Variants in ASIC1 observed in about 807,000 individuals in gnomAD.
The protein encoded by ASIC1 is acid-sensing ion channel 1.
In ASIC1, 21 loss-of-function variants were observed where a neutral mutation model predicts 63.4. The observed-to-expected ratio is 0.33, with a 90% confidence interval of 0.23 to 0.48. The LOEUF is 0.48. Ranked by LOEUF, ASIC1 falls within the 20% of genes least tolerant of loss-of-function variation. The pLI is 0.99. For missense variants in ASIC1, 478 were observed against 695.5 expected, an observed-to-expected ratio of 0.69 and a Z score of 3.52; for synonymous variants, 258 against 278.2, an observed-to-expected ratio of 0.93 and a Z score of 0.72.
intron 3 of ASIC1, chr12:50,073,952 TAAACG>T: frequency 1.3e-6 from 2 of 1,535,886 alleles, no homozygotes; most frequent in South Asian, 2.4e-5. Flanking sequence ...GTGACCCTTC[TAAACG>T]AAGTGGCCAC....
chr12:50,069,714 T>C (rs1057442541), intron 3 of ASIC1, among the ~76,000 whole-genome samples: 1 of 152,010 alleles, frequency 6.6e-6, no homozygotes, highest in African/African-American at 2.4e-5. Flanking sequence ...TTTTTTTTCA[T>C]AGCACTTATG....
chr12:50,064,302 C>A (rs1950526819), intron 3 of ASIC1, among the ~76,000 whole-genome samples: 1 of 152,060 alleles, frequency 6.6e-6, no homozygotes, highest in Non-Finnish European at 1.5e-5. Flanking sequence ...GGAGCAGAGC[C>A]CATTGCAGTT....
intron 11 of ASIC1, 75 bp downstream of exon 11, chr12:50,081,439 C>A: frequency 1.4e-6 from 2 of 1,440,860 alleles, no homozygotes; most frequent in Non-Finnish European, 1.9e-6. Context: ...CACCCCCGCC[C>A]ACCCGCCTCT....
chr12:50,073,303 C>T (rs1044671875), intron 3 of ASIC1, among the ~76,000 whole-genome samples: 1 of 152,174 alleles, frequency 6.6e-6, no homozygotes. Flanking sequence ...GCTCCAGCCC[C>T]CTGCTCTCCA....
In ASIC1 at chr12:50,059,177, T is replaced by C. The variant is rs1565723508; in HGVS notation, c.362+49T>C. 6.3e-7 allele frequency: 1 copy of C among 1,591,496 alleles called. No individual in the cohort carries two copies. Among genetic ancestry groups the C allele is most frequent in the Non-Finnish European group, 8.5e-7 (1 of 1,170,668 alleles). ...AGCCCTGCTCCTGGAGTTGCTTGAG[T>C]TCCAGTCAGGATGTCTGCCTCCCTG... On this transcript the variant is annotated intron_variant, in intron 2 of 11. Transcript: ENST00000447966. The surrounding 1 kb of genome is among the most constrained non-coding windows in gnomAD (Gnocchi z 4.6).
intron 3 of ASIC1, among the ~76,000 whole-genome samples, chr12:50,072,531 G>C (rs2137831719): frequency 6.6e-6 from 1 of 152,278 alleles, no homozygotes; most frequent in African/African-American, 2.4e-5. Flanking sequence ...GGAACCCCAA[G>C]TTGGTTCCCA....
At chr12:50,067,769 T>C (rs562971377) in intron 3 of ASIC1, among the ~76,000 whole-genome samples, 56 of 152,256 alleles carry the variant, frequency 3.7e-4, no homozygotes, top group African/African-American at 1.3e-3. Flanking sequence ...CATACTCTCT[T>C]TGTTTTCCTC....
At chr12:50,080,197 A>G in intron 8 of ASIC1, 142 bp downstream of exon 8, 1 of 1,217,776 alleles carries the variant, frequency 8.2e-7, no homozygotes, top group East Asian at 2.5e-5. Flanking sequence ...CAAAGAGTCT[A>G]GGGTGGGTAT....
chr12:50,073,668 C>T (rs935354947), intron 3 of ASIC1: 2 of 1,536,380 alleles, frequency 1.3e-6, no homozygotes, highest in African/African-American at 1.4e-5. Context: ...GGGGTCCCCA[C>T]CACCATCAGC....
At chr12:50,080,164 A>C in intron 8 of ASIC1, 109 bp downstream of exon 8, 2 of 1,431,246 alleles carry the variant, frequency 1.4e-6, no homozygotes, top group Non-Finnish European at 1.9e-6. Context: ...TTGAGATAAC[A>C]CGGGGAAGGT....
rs535554865 is a variant in ASIC1, at chr12:50,078,314, G to A, written c.838-107G>A. 6.5e-7 allele frequency: 1 copy of A among 1,530,060 alleles called. No homozygotes were observed. The highest frequency in any genetic ancestry group is 2.3e-5 in the East Asian group (1 of 44,346). The allele number at this position is 1,530,060 out of a possible 1,614,324, so 94.8% of individuals were successfully genotyped here. A position where few individuals can be genotyped will look rare whatever the true frequency, so the allele number is the denominator to read the frequency against. On this transcript the variant is annotated intron_variant, in intron 5 of 11. Transcript: ENST00000447966. The surrounding 1 kb of genome is among the most constrained non-coding windows in gnomAD (Gnocchi z 6.0). ...TCTGAGACCTTTGGAGGCTGCAGAG[G>A]GAGAGGGGAGCAGAACTCCAGAGAT...
chr12:50,064,840 C>G (rs1220180000), intron 3 of ASIC1, among the ~76,000 whole-genome samples: 1 of 152,314 alleles, frequency 6.6e-6, no homozygotes, highest in African/African-American at 2.4e-5. Context: ...ATTAGGGGAG[C>G]GTTAAGCTCC....
Position 50,078,060 on chromosome 12 carries a change from T to C in ASIC1, c.770T>C (p.Phe257Ser). The change falls in exon 5 of 12, where the codon TTC becomes TCC. Residue 257 changes from phenylalanine (F) to serine (S), a missense_variant. By Grantham distance (155) the Phe-to-Ser change is radical (BLOSUM62 -2). This residue lies in a region of ASIC1 where 290 missense variants were observed against 414.9 expected (regional missense o/e 0.70). Transcript: ENST00000447966. The surrounding 1 kb of genome is among the most constrained non-coding windows in gnomAD (Gnocchi z 6.0). ...VQIHSQDEPP[F>S]IDQLGFGVAP... Reference sequence around the variant, plus strand: ...ATCCATAGTCAGGATGAACCTCCTTTCATCGACCAGCTGGGCTTTGGCGTG... The same window carrying C: ...ATCCATAGTCAGGATGAACCTCCTTCCATCGACCAGCTGGGCTTTGGCGTG... 1 of 1,614,058 alleles carries C rather than the reference T, an allele frequency of 6.2e-7. No individual in the cohort carries two copies. The highest frequency in any genetic ancestry group is 1.3e-5 in the African/African-American group (1 of 75,036).
At chr12:50,064,398 C>T (rs1332570976) in intron 3 of ASIC1, among the ~76,000 whole-genome samples, 3 of 152,158 alleles carry the variant, frequency 2.0e-5, no homozygotes, top group Non-Finnish European at 4.4e-5. Context: ...CACAAACATC[C>T]TTCAGGTAGC....
At chr12:50,080,230 A>T (rs1950701278) in intron 8 of ASIC1, 175 bp downstream of exon 8, 1 of 922,250 alleles carries the variant, frequency 1.1e-6, no homozygotes, top group South Asian at 1.8e-5. Context: ...AAGCCAGAAT[A>T]AGCAGGGAAG....
At chr12:50,077,171 G>T in intron 3 of ASIC1, 42 bp from the exon 4 acceptor site, 1 of 1,604,788 alleles carries the variant, frequency 6.2e-7, no homozygotes, top group Non-Finnish European at 8.5e-7. Flanking sequence ...TGAGTAGAGG[G>T]TGCTGGCAGG....
chr12:50,074,361 C>T lies in ASIC1; in HGVS notation c.559-2852C>T, dbSNP rs1950632374. 1 of 1,405,130 alleles carries T rather than the reference C, an allele frequency of 7.1e-7. No homozygotes were observed. The highest frequency in any genetic ancestry group is 9.2e-7 in the Non-Finnish European group (1 of 1,081,974). 87.0% of individuals were successfully genotyped at this position (1,405,130 alleles called of 1,614,324 possible). A position where few individuals can be genotyped will look rare whatever the true frequency, so the allele number is the denominator to read the frequency against. On this transcript the variant is annotated intron_variant, in intron 3 of 11. Transcript: ENST00000447966. The surrounding 1 kb of genome is among the most constrained non-coding windows in gnomAD (Gnocchi z 4.2). ...GGGCTGGGGCTGATGACTGTGCTGC[C>T]CCCTACCTCATCTGGCTGACACAGG...
intron 3 of ASIC1, among the ~76,000 whole-genome samples, chr12:50,072,837 C>T (rs960642016): frequency 1.3e-5 from 2 of 151,996 alleles, no homozygotes; most frequent in Non-Finnish European, 2.9e-5. Flanking sequence ...AACCAAAATA[C>T]ATCTCAGCAT....
intron 3 of ASIC1, among the ~76,000 whole-genome samples, chr12:50,076,558 G>C (rs1293042494): frequency 6.6e-6 from 1 of 152,110 alleles, no homozygotes; most frequent in Non-Finnish European, 1.5e-5. Flanking sequence ...GTCTTGGAGG[G>C]CCTCAGGAGC....
Sources: gnomAD v4.1 joint callset for allele counts (sites outside exome capture counted in the v4.1 genomes callset) on GRCh38, gnomAD v4.1.1 for gene constraint, gnomAD v4.1.1 regional missense constraint, Gnocchi (gnomAD v3.1) non-coding constraint, MANE v1.5 for transcripts, NCBI Gene and HGNC (gene_info 2026-07-23, HGNC 2026-07-21) for gene names.